Variants in KCNIP4 observed in about 807,000 individuals in gnomAD.
The protein encoded by KCNIP4 is potassium voltage-gated channel interacting protein 4.
Under a neutral mutation model 34.0 loss-of-function variants are expected in KCNIP4, and 12 were observed. The observed-to-expected ratio is 0.35, with a 90% CI of 0.23 to 0.57. The LOEUF is 0.57. Ranked by LOEUF, KCNIP4 falls within the 20% of genes least tolerant of loss-of-function variation. The pLI is 0.83. For missense variants in KCNIP4, 238 were observed against 311.7 expected (o/e 0.76, Z 1.78); for synonymous variants, 124 against 102.2 (o/e 1.21, Z -1.29).
rs71191521 is a variant in KCNIP4 at position 21,569,234 on chromosome 4, TAAAAAAAAAA to T, written c.61+379327_61+379336del. ...CCCATGCACTAGGACACTGATATTC[TAAAAAAAAAA>T]AAAAAAAAAAAAAAAAAAAAAGCTT... On this transcript the variant is annotated intron_variant, in intron 1 of 8. Coordinates refer to ENST00000382152, the MANE Select transcript of KCNIP4 (RefSeq NM_025221.6). Among the ~76,000 whole-genome samples, 7 of 25,186 alleles carry T rather than the reference TAAAAAAAAAA, an allele frequency of 2.8e-4. No homozygotes were observed. The East Asian group carries it at 4.2e-3, about 15-fold the overall frequency. 16.5% of individuals were successfully genotyped at this position (25,186 alleles called of 152,430 possible). A position where few individuals can be genotyped will look rare whatever the true frequency, so the allele number is the denominator to read the frequency against.
At chr4:21,571,515 C>T (rs1035223654) in intron 1 of KCNIP4, among the ~76,000 whole-genome samples, 2 of 152,288 alleles carry the variant, frequency 1.3e-5, no homozygotes, top group African/African-American at 4.8e-5. Context: ...AAAACCTCCA[C>T]ATAAATAAGC....
chr4:21,535,868 T>C (rs1464346428), intron 1 of KCNIP4, among the ~76,000 whole-genome samples: 2 of 152,162 alleles, frequency 1.3e-5, no homozygotes, highest in Non-Finnish European at 2.9e-5. Flanking sequence ...TAAAGGGCTT[T>C]TAAAATGTCA....
intron 1 of KCNIP4, among the ~76,000 whole-genome samples, chr4:21,358,432 G>C (rs1157558728): frequency 6.6e-6 from 1 of 152,136 alleles, no homozygotes; most frequent in Non-Finnish European, 1.5e-5. Flanking sequence ...AACCTTATTT[G>C]ATTCATGATT....
chr4:21,847,989 A>G (rs1040173159), intron 1 of KCNIP4: 2 of 152,084 alleles, frequency 1.3e-5, no homozygotes, highest in Non-Finnish European at 2.9e-5. Context: ...TCTTGACTTC[A>G]TCTTGGCTAT....
intron 3 of KCNIP4, among the ~76,000 whole-genome samples, chr4:20,772,218 G>A (rs1755957691): frequency 6.6e-6 from 1 of 152,058 alleles, no homozygotes; most frequent in Non-Finnish European, 1.5e-5. Flanking sequence ...CACCTGCGGG[G>A]GGAAAAGTTA....
At chr4:21,396,005 C>A (rs1200749289) in intron 1 of KCNIP4, among the ~76,000 whole-genome samples, 1 of 151,770 alleles carries the variant, frequency 6.6e-6, no homozygotes, top group Non-Finnish European at 1.5e-5. Context: ...CCTTTGCAGG[C>A]AGACCATGCT....
At chr4:21,546,965 T>C (rs1738197522) in intron 1 of KCNIP4, among the ~76,000 whole-genome samples, 1 of 152,170 alleles carries the variant, frequency 6.6e-6, no homozygotes, top group Admixed American at 6.6e-5. Context: ...AAATGTTATT[T>C]TACAAATATC....
intron 1 of KCNIP4, among the ~76,000 whole-genome samples, chr4:21,003,336 G>A (rs528708658): frequency 1.2e-3 from 186 of 152,254 alleles, no homozygotes; most frequent in Middle Eastern, 0.01. Context: ...CATAAGGTGG[G>A]GCTAAGCAGA....
intron 1 of KCNIP4, among the ~76,000 whole-genome samples, chr4:21,608,308 C>T (rs1743876814): frequency 6.6e-6 from 1 of 152,142 alleles, no homozygotes; most frequent in Admixed American, 6.5e-5. Flanking sequence ...TGCGGGGCTG[C>T]CTTACTTTCT....
intron 3 of KCNIP4, among the ~76,000 whole-genome samples, chr4:20,803,804 A>T (rs983654731): frequency 6.6e-6 from 1 of 151,954 alleles, no homozygotes; most frequent in African/African-American, 2.4e-5. Context: ...CCATAGAAAG[A>T]ATCGAGAATA....
intron 1 of KCNIP4, among the ~76,000 whole-genome samples, chr4:21,223,587 C>A (rs1758137312): frequency 6.6e-6 from 1 of 152,128 alleles, no homozygotes; most frequent in African/African-American, 2.4e-5. Context: ...AGTTTAAGTC[C>A]ATAAATACTG....
chr4:21,703,157 G>A (rs1001883905), intron 1 of KCNIP4, among the ~76,000 whole-genome samples: 3 of 152,042 alleles, frequency 2.0e-5, no homozygotes, highest in African/African-American at 7.2e-5. Flanking sequence ...GATTAATGGT[G>A]AAAGGCTGAA....
intron 1 of KCNIP4, among the ~76,000 whole-genome samples, chr4:21,715,596 G>C (rs1339302020): frequency 6.6e-6 from 1 of 152,052 alleles, no homozygotes; most frequent in Non-Finnish European, 1.5e-5. Context: ...AGATGTCTCT[G>C]ACATTTTTGC....
chr4:21,672,121 G>C (rs529973649), intron 1 of KCNIP4, among the ~76,000 whole-genome samples: 2 of 152,070 alleles, frequency 1.3e-5, no homozygotes, highest in Non-Finnish European at 2.9e-5. Flanking sequence ...ATCACACACC[G>C]GGGCCTGTCG....
intron 1 of KCNIP4, among the ~76,000 whole-genome samples, chr4:20,999,530 G>C (rs550115900): frequency 6.7e-6 from 1 of 148,878 alleles, no homozygotes; most frequent in Non-Finnish European, 1.5e-5. Context: ...CCTTCAGAAC[G>C]ATCACCGTGG....
intron 1 of KCNIP4, among the ~76,000 whole-genome samples, chr4:21,330,482 C>T (rs1396357219): frequency 6.6e-6 from 1 of 152,108 alleles, no homozygotes; most frequent in African/African-American, 2.4e-5. Context: ...AAACGTTGCA[C>T]CATCCACTTT....
At chr4:21,340,196 CATT>C (rs946016704) in intron 1 of KCNIP4, among the ~76,000 whole-genome samples, 2 of 152,080 alleles carry the variant, frequency 1.3e-5, no homozygotes, top group Non-Finnish European at 2.9e-5. Context: ...GCAAAATCAT[CATT>C]ATTATGTTTA....
At chr4:20,988,572 AGT>A (rs1314639795) in intron 1 of KCNIP4, among the ~76,000 whole-genome samples, 4 of 152,218 alleles carry the variant, frequency 2.6e-5, no homozygotes, top group Non-Finnish European at 5.9e-5. Context: ...TGCAAAAATA[AGT>A]GTAGCAAGAT....
At chr4:20,930,607 A>G (rs560600158) in intron 1 of KCNIP4, among the ~76,000 whole-genome samples, 2 of 152,206 alleles carry the variant, frequency 1.3e-5, no homozygotes, top group East Asian at 3.9e-4. Context: ...TTCACACAGC[A>G]TATCTCCTAA....
Sources: allele counts gnomAD v4.1 joint callset (sites outside exome capture counted in the v4.1 genomes callset), GRCh38; gene constraint gnomAD v4.1.1; transcripts MANE v1.5; gene names NCBI Gene and HGNC (gene_info 2026-07-23, HGNC 2026-07-21).